The following CACNB2 variants were observed in gnomAD, a reference collection of about 807,000 sequenced individuals.
CACNB2 encodes the protein voltage-dependent L-type calcium channel subunit beta-2.
CACNB2 carries 42 observed loss-of-function variants against 73.3 expected under a neutral mutation model. That is an observed-to-expected ratio of 0.57 (90% CI 0.45 to 0.74). CACNB2 has a LOEUF of 0.74. Among genes scored for constraint, CACNB2 ranks in the 30% least tolerant of loss-of-function variants. The probability of loss-of-function intolerance (pLI) is 0.00; values close to 1 mark genes in which losing one functional copy is unlikely to be tolerated. For missense variants in CACNB2, 940 were observed against 853.0 expected, an observed-to-expected ratio of 1.10 and a Z score of -1.27; for synonymous variants, 348 against 310.3, an observed-to-expected ratio of 1.12 and a Z score of -1.28.
chr10:18,270,260 T>G (rs1404714865), intron 2 of CACNB2, among the ~76,000 whole-genome samples: 1 of 152,044 alleles, frequency 6.6e-6, no homozygotes, highest in Non-Finnish European at 1.5e-5. Flanking sequence ...AAAAACAATG[T>G]GGAAGAAACT....
At chr10:18,206,164 G>C (rs2035081516) in intron 2 of CACNB2, 1 of 152,164 alleles carries the variant, frequency 6.6e-6, no homozygotes, top group Non-Finnish European at 1.5e-5. Context: ...GTTAATTTTT[G>C]CATTTTTAGT....
chr10:18,350,030 G>T lies in CACNB2; in HGVS notation c.214-51894G>T, dbSNP rs945331252. Reference sequence around the variant, plus strand: ...AGGACGAGGTGGGTGGATCACCTGAGGTCAGGAGTTTGAGACCAGCCTGGC... The same window carrying T: ...AGGACGAGGTGGGTGGATCACCTGATGTCAGGAGTTTGAGACCAGCCTGGC... On this transcript the variant is annotated intron_variant, in intron 2 of 13. Transcript: ENST00000324631. 1.1e-4 allele frequency among the ~76,000 whole-genome samples: 17 copies of T among 152,230 alleles called. No homozygotes were observed. In the East Asian group the frequency reaches 3.3e-3, roughly 29 times the overall value.
At chr10:18,172,206 T>C (rs1272229605) in intron 2 of CACNB2, among the ~76,000 whole-genome samples, 1 of 151,878 alleles carries the variant, frequency 6.6e-6, no homozygotes, top group Non-Finnish European at 1.5e-5. Context: ...CTACTGAAAA[T>C]ACAAAAAATT....
chr10:18,327,117 T>C (rs1163409743), intron 2 of CACNB2, among the ~76,000 whole-genome samples: 2 of 152,180 alleles, frequency 1.3e-5, no homozygotes, highest in East Asian at 3.9e-4. Context: ...AAGAATGGTA[T>C]CCTAGAACAT....
chr10:18,415,464 TC>T (rs1476624228), intron 3 of CACNB2, among the ~76,000 whole-genome samples: 2 of 42,520 alleles, frequency 4.7e-5, no homozygotes, highest in Non-Finnish European at 9.6e-5. Flanking sequence ...AGACCTTGTC[TC>T]TTAAAAAAAA....
chr10:18,257,846 C>T (rs142552104), intron 2 of CACNB2, among the ~76,000 whole-genome samples: 1 of 152,266 alleles, frequency 6.6e-6, no homozygotes, highest in Non-Finnish European at 1.5e-5. Flanking sequence ...CAGGTTCAAG[C>T]AATTCTCCTT....
chr10:18,165,037 T>C (rs990508841), intron 2 of CACNB2, among the ~76,000 whole-genome samples: 2 of 152,148 alleles, frequency 1.3e-5, no homozygotes, highest in African/African-American at 4.8e-5. Flanking sequence ...AATATTAAAG[T>C]ATTGATGTAC....
Position 18,542,706 on chromosome 10 carries a change from A to G in CACNB2, c.*2982A>G, listed in dbSNP as rs557527580. ...AAACTGTATAGTGGACATATGTGTA[A>G]ACTGTGTAGTAAATCTGTAAATGAG... On this transcript the variant is annotated 3_prime_UTR_variant, in exon 14 of 14. Coordinates refer to ENST00000324631, the MANE Select transcript of CACNB2 (RefSeq NM_201596.3). 6.6e-6 allele frequency: 1 copy of G among 152,280 alleles called. No individual in the cohort carries two copies. The highest frequency in any genetic ancestry group is 2.4e-5 in the African/African-American group (1 of 41,566). 9.4% of individuals were successfully genotyped at this position (152,280 alleles called of 1,614,324 possible).
intron 2 of CACNB2, among the ~76,000 whole-genome samples, chr10:18,315,524 A>AC (rs1380841975): frequency 1.3e-4 from 17 of 133,296 alleles, no homozygotes; most frequent in Non-Finnish European, 2.6e-4. Context: ...AAAAAAAAAA[A>AC]AAAACTTTTT....
intron 2 of CACNB2, among the ~76,000 whole-genome samples, chr10:18,172,735 A>G (rs947503219): frequency 6.6e-6 from 1 of 151,970 alleles, no homozygotes; most frequent in Non-Finnish European, 1.5e-5. Flanking sequence ...TAGCTAATGG[A>G]CAAGTATAAG....
chr10:18,490,902 A>G (rs547944022), intron 3 of CACNB2, among the ~76,000 whole-genome samples: 1 of 152,164 alleles, frequency 6.6e-6, no homozygotes, highest in East Asian at 1.9e-4. Flanking sequence ...AGCTTGAAGG[A>G]CAACCTATTA....
intron 2 of CACNB2, among the ~76,000 whole-genome samples, chr10:18,164,519 A>C (rs2032704357): frequency 6.6e-6 from 1 of 151,978 alleles, no homozygotes; most frequent in African/African-American, 2.4e-5. Context: ...CTTTGGGGAG[A>C]TGTTTACAAT....
intron 2 of CACNB2, among the ~76,000 whole-genome samples, chr10:18,189,127 A>G (rs1243583165): frequency 1.3e-5 from 2 of 152,064 alleles, no homozygotes; most frequent in Non-Finnish European, 2.9e-5. Context: ...GTGTCCAACT[A>G]CAGATTGTTT....
chr10:18,266,985 G>A (rs1238741585), intron 2 of CACNB2, among the ~76,000 whole-genome samples: 1 of 152,098 alleles, frequency 6.6e-6, no homozygotes, highest in Non-Finnish European at 1.5e-5. Flanking sequence ...GTATGTATGT[G>A]TGTATATATA....
intron 3 of CACNB2, among the ~76,000 whole-genome samples, chr10:18,497,984 C>T (rs1245117219): frequency 6.6e-6 from 1 of 152,182 alleles, no homozygotes; most frequent in African/African-American, 2.4e-5. Context: ...AAGGCAGTGA[C>T]TAAGTCCTTT....
At chr10:18,497,916 T>A (rs2049935158) in intron 3 of CACNB2, among the ~76,000 whole-genome samples, 1 of 152,224 alleles carries the variant, frequency 6.6e-6, no homozygotes, top group African/African-American at 2.4e-5. Flanking sequence ...TCAATGATTG[T>A]ACCTTTCGGA....
chr10:18,161,768 A>G (rs550861309), intron 2 of CACNB2, among the ~76,000 whole-genome samples: 9 of 151,854 alleles, frequency 5.9e-5, no homozygotes, highest in Non-Finnish European at 1.2e-4. Flanking sequence ...TACTAAAAAT[A>G]TTTTTTAAAA....
At chr10:18,202,783 C>A (rs563983446) in intron 2 of CACNB2, among the ~76,000 whole-genome samples, 2 of 152,296 alleles carry the variant, frequency 1.3e-5, no homozygotes, top group South Asian at 2.1e-4. Flanking sequence ...AATGTAGTAA[C>A]GTCAAGAAAT....
Position 18,150,880 on chromosome 10 carries a change from T to TTTTTTTTTTTTTTC in CACNB2, c.121-3_121-2insTTTTTTTTTTTTTC. 1.5e-6 allele frequency: 2 copies of TTTTTTTTTTTTTTC among 1,300,364 alleles called. No homozygotes were observed. Among genetic ancestry groups the TTTTTTTTTTTTTTC allele is most frequent in the South Asian group, 1.3e-5 (1 of 74,630 alleles). 80.6% of individuals were successfully genotyped at this position (1,300,364 alleles called of 1,614,324 possible). A position where few individuals can be genotyped will look rare whatever the true frequency, so the allele number is the denominator to read the frequency against. The stretch of plus-strand genomic sequence containing the variant: ...CTTTTTTTTTTTTTTTTTTTTTTTT[T>TTTTTTTTTTTTTTC]AGTCATATGGAAAAGGAGCCAGAAG... On this transcript the variant is annotated splice_polypyrimidine_tract_variant and splice_region_variant and intron_variant, in intron 1 of 13. Coordinates refer to ENST00000324631, the MANE Select transcript of CACNB2 (RefSeq NM_201596.3).
Sources: gnomAD v4.1 joint callset for allele counts (sites outside exome capture counted in the v4.1 genomes callset) on GRCh38, gnomAD v4.1.1 for gene constraint, MANE v1.5 for transcripts, NCBI Gene and HGNC (gene_info 2026-07-23, HGNC 2026-07-21) for gene names.